PLCB1: variants seen among roughly 807,000 people sequenced by gnomAD.
PLCB1 encodes phospholipase C beta 1.
Under a neutral mutation model 161.8 loss-of-function variants are expected in PLCB1, and 46 were observed. The ratio of observed to expected loss-of-function variants is 0.28; its 90% CI spans 0.22 to 0.36. The LOEUF (loss-of-function observed/expected upper bound fraction) is 0.36, where lower values mean the gene tolerates loss of function less well. Ranked by LOEUF, PLCB1 falls within the 10% of genes least tolerant of loss-of-function variation. The pLI is 1.00. For synonymous variants in PLCB1, 517 were observed against 503.7 expected, an observed-to-expected ratio of 1.03 and a Z score of -0.35; for missense variants, 1,016 against 1,472.5, an observed-to-expected ratio of 0.69 and a Z score of 5.07.
rs540292488 is a variant in PLCB1 at position 8,704,007 on chromosome 20, A to C, written c.1168-4663A>C. Reference sequence around the variant, plus strand: ...GCCTACAATCCACTTTCATTATTAAAGGCAGCTGGAGAAGTTCTCAAACAG... The same window carrying C: ...GCCTACAATCCACTTTCATTATTAACGGCAGCTGGAGAAGTTCTCAAACAG... On this transcript the variant is annotated intron_variant, in intron 11 of 31. Transcript: ENST00000338037. Among the ~76,000 whole-genome samples the C allele has an allele frequency of 2.0e-5, 3 of 152,330 alleles. No homozygotes were observed. In the South Asian group the frequency reaches 6.2e-4, roughly 32 times the overall value.
intron 27 of PLCB1, among the ~76,000 whole-genome samples, chr20:8,785,341 C>A (rs906831189): frequency 6.6e-6 from 1 of 152,060 alleles, no homozygotes; most frequent in Admixed American, 6.6e-5. Flanking sequence ...CGAGAACTTA[C>A]ATTTCTAATG....
intron 2 of PLCB1, among the ~76,000 whole-genome samples, chr20:8,348,417 A>G (rs1165004060): frequency 6.6e-6 from 1 of 152,198 alleles, no homozygotes; most frequent in Non-Finnish European, 1.5e-5. Flanking sequence ...AGAGGTGTCA[A>G]CAAAAACCTG....
At chr20:8,181,432 A>G (rs1010294362) in intron 2 of PLCB1, among the ~76,000 whole-genome samples, 1 of 152,160 alleles carries the variant, frequency 6.6e-6, no homozygotes, top group Non-Finnish European at 1.5e-5. Context: ...TAAAAAAAGC[A>G]ATAACAATAC....
At chr20:8,789,451 G>A in intron 29 of PLCB1, 67 bp from the exon 30 acceptor site, 1 of 986,652 alleles carries the variant, frequency 1.0e-6, no homozygotes, top group Non-Finnish European at 1.6e-6. Context: ...TTATCTAGAA[G>A]TCTGAGATTA....
intron 3 of PLCB1, among the ~76,000 whole-genome samples, chr20:8,455,400 A>T: frequency 1.4e-5 from 2 of 145,568 alleles, no homozygotes; most frequent in African/African-American, 2.5e-5. Context: ...AATGAGATAT[A>T]TATAACAATT....
At chr20:8,622,384 T>C (rs577448147) in intron 3 of PLCB1, among the ~76,000 whole-genome samples, 6 of 152,338 alleles carry the variant, frequency 3.9e-5, no homozygotes, top group African/African-American at 1.4e-4. Context: ...ACTTCTTTAA[T>C]GTTGTAACAG....
intron 3 of PLCB1, among the ~76,000 whole-genome samples, chr20:8,424,880 G>A (rs924478379): frequency 3.3e-5 from 5 of 152,124 alleles, no homozygotes; most frequent in African/African-American, 7.2e-5. Flanking sequence ...CACAGTGTGG[G>A]AATGGACTCG....
chr20:8,719,920 G>GT (rs1181980055), intron 14 of PLCB1, among the ~76,000 whole-genome samples: 34 of 152,096 alleles, frequency 2.2e-4, no homozygotes, highest in African/African-American at 7.7e-4. Flanking sequence ...TCAATTGCCT[G>GT]TTTTTTTATT....
intron 2 of PLCB1, among the ~76,000 whole-genome samples, chr20:8,300,759 C>A (rs1983872593): frequency 6.6e-6 from 1 of 152,126 alleles, no homozygotes; most frequent in African/African-American, 2.4e-5. Flanking sequence ...CTCACAGAGC[C>A]TAGCACAATG....
chr20:8,848,707 A>G (rs1986780856), intron 31 of PLCB1, among the ~76,000 whole-genome samples: 1 of 152,146 alleles, frequency 6.6e-6, no homozygotes, highest in African/African-American at 2.4e-5. Context: ...CTGGGGGGCC[A>G]TGAGGGCCCA....
rs749420933 is a variant in PLCB1, at chr20:8,150,250, A to G, written c.100-44A>G. The G allele has an allele frequency of 7.3e-6, 6 of 819,030 alleles. No individual in the cohort carries two copies. The East Asian group carries it at 7.7e-5, about 11-fold the overall frequency. 50.7% of individuals were successfully genotyped at this position (819,030 alleles called of 1,614,324 possible). ...AAATAACTCCTGGATAGATTTTTCTACAGTGATATATGTTGATATTCATGT... is the reference window on the plus strand; with the variant it reads ...AAATAACTCCTGGATAGATTTTTCTGCAGTGATATATGTTGATATTCATGT... On this transcript the variant is annotated intron_variant, in intron 1 of 31. Transcript: ENST00000338037.
intron 2 of PLCB1, among the ~76,000 whole-genome samples, chr20:8,337,254 G>T (rs1419755289): frequency 1.3e-5 from 2 of 152,156 alleles, no homozygotes; most frequent in Non-Finnish European, 2.9e-5. Context: ...AAGAATGTGA[G>T]GTATAGGAAA....
At chr20:8,264,919 T>C (rs1167212291) in intron 2 of PLCB1, among the ~76,000 whole-genome samples, 2 of 152,188 alleles carry the variant, frequency 1.3e-5, no homozygotes, top group African/African-American at 4.8e-5. Context: ...ATCCATGTAA[T>C]CTGCCAACAT....
rs547647385 is a variant in PLCB1 at position 8,719,858 on chromosome 20, T to TA, written c.1513+2018dup. Among the ~76,000 whole-genome samples the TA allele has an allele frequency of 1.8e-3, 274 of 152,132 alleles. 1 individual carries two copies. The highest frequency in any genetic ancestry group is 5.9e-3 in the African/African-American group (244 of 41,530). ...ATATAAACTCTAGGACAATCAGGGT[T>TA]AAAAAAAAGTAGCCTGAGACTCTGA... is the stretch of plus-strand genomic sequence containing the variant. On this transcript the variant is annotated intron_variant, in intron 14 of 31. Coordinates refer to ENST00000338037, the MANE Select transcript of PLCB1 (RefSeq NM_015192.4).
intron 3 of PLCB1, among the ~76,000 whole-genome samples, chr20:8,429,153 A>G (rs1400842854): frequency 6.6e-6 from 1 of 152,084 alleles, no homozygotes; most frequent in Admixed American, 6.5e-5. Flanking sequence ...AAGTGACCCA[A>G]CTACACCTTC....
chr20:8,613,781 T>C (rs748767713), intron 3 of PLCB1, among the ~76,000 whole-genome samples: 22 of 152,102 alleles, frequency 1.4e-4, no homozygotes, highest in Admixed American at 5.9e-4. Flanking sequence ...GTAAATTGAA[T>C]ATTTTTATAA....
At chr20:8,271,801 C>T (rs1193269343) in intron 2 of PLCB1, among the ~76,000 whole-genome samples, 2 of 152,116 alleles carry the variant, frequency 1.3e-5, no homozygotes, top group South Asian at 2.1e-4. Flanking sequence ...ATCCTACAAT[C>T]CAATTACATA....
intron 3 of PLCB1, among the ~76,000 whole-genome samples, chr20:8,544,048 A>G (rs1985442147): frequency 6.6e-6 from 1 of 152,180 alleles, no homozygotes; most frequent in Non-Finnish European, 1.5e-5. Flanking sequence ...AATAAGCAGG[A>G]TCACCTCCTT....
Position 8,516,149 on chromosome 20 carries a change from G to A in PLCB1, c.247-112145G>A, listed in dbSNP as rs938824447. On this transcript the variant is annotated intron_variant, in intron 3 of 31. Coordinates refer to ENST00000338037, the MANE Select transcript of PLCB1 (RefSeq NM_015192.4). ...TCCCATCAAGCCCCTCCCACAACAC[G>A]TGGGAATTATGGGAGCTACAATTCT... is the stretch of plus-strand genomic sequence containing the variant. Among the ~76,000 whole-genome samples, 22 of 152,188 alleles carry A rather than the reference G, an allele frequency of 1.4e-4. No individual in the cohort carries two copies. The East Asian group carries it at 1.9e-3, about 13-fold the overall frequency.
Sources: gnomAD v4.1 joint callset for allele counts (sites outside exome capture counted in the v4.1 genomes callset) on GRCh38, gnomAD v4.1.1 for gene constraint, MANE v1.5 for transcripts, NCBI Gene and HGNC (gene_info 2026-07-23, HGNC 2026-07-21) for gene names.